CNTNAP2: variants seen among roughly 807,000 people sequenced by gnomAD.
CNTNAP2 encodes the protein contactin-associated protein-like 2.
Under a neutral mutation model 155.2 loss-of-function variants are expected in CNTNAP2, and 98 were observed. The observed-to-expected ratio is 0.63, with a 90% CI of 0.54 to 0.75. The LOEUF (loss-of-function observed/expected upper bound fraction) is 0.75, where lower values mean the gene tolerates loss of function less well. CNTNAP2 is among the 30% of genes least tolerant of loss of function. CNTNAP2 has a pLI of 0.00. For missense variants in CNTNAP2, 1,727 were observed against 1,688.1 expected, an observed-to-expected ratio of 1.02 and a Z score of -0.40; for synonymous variants, 651 against 631.2, an observed-to-expected ratio of 1.03 and a Z score of -0.47.
chr7:147,019,652 G>A (rs1055600504), intron 3 of CNTNAP2, among the ~76,000 whole-genome samples: 2 of 151,952 alleles, frequency 1.3e-5, no homozygotes, highest in African/African-American at 4.8e-5. Flanking sequence ...TGCATGTAAG[G>A]CAGAAATCTA....
chr7:146,902,657 C>T (rs1346208986), intron 3 of CNTNAP2, among the ~76,000 whole-genome samples: 4 of 152,174 alleles, frequency 2.6e-5, no homozygotes, highest in African/African-American at 2.4e-5. Flanking sequence ...CCACTAATGC[C>T]AGAGACAGTT....
chr7:147,741,810 A>T (rs2116487716), intron 13 of CNTNAP2, among the ~76,000 whole-genome samples: 1 of 152,324 alleles, frequency 6.6e-6, no homozygotes, highest in Non-Finnish European at 1.5e-5. Flanking sequence ...TGTTGTTTAA[A>T]TGTCTCTACA....
intron 2 of CNTNAP2, among the ~76,000 whole-genome samples, chr7:146,811,808 A>G (rs984505929): frequency 2.6e-5 from 4 of 152,126 alleles, no homozygotes; most frequent in Non-Finnish European, 5.9e-5. Context: ...TGTTCTCATG[A>G]TAGTGACTGA....
At chr7:146,904,368 C>G (rs945650593) in intron 3 of CNTNAP2, among the ~76,000 whole-genome samples, 1 of 152,136 alleles carries the variant, frequency 6.6e-6, no homozygotes, top group Non-Finnish European at 1.5e-5. Flanking sequence ...AATCTCGCCA[C>G]GAAATGTGGC....
intron 13 of CNTNAP2, among the ~76,000 whole-genome samples, chr7:147,801,958 CA>C (rs1471374332): frequency 5.8e-3 from 789 of 135,524 alleles, no homozygotes; most frequent in South Asian, 0.015. Context: ...GGGGGGCTGA[CA>C]CCCCCACCTC....
intron 9 of CNTNAP2, among the ~76,000 whole-genome samples, chr7:147,392,478 A>C (rs1248500857): frequency 1.3e-5 from 2 of 151,900 alleles, no homozygotes; most frequent in Admixed American, 1.3e-4. Context: ...TATACACTGA[A>C]CCCAATTTGT....
intron 1 of CNTNAP2, among the ~76,000 whole-genome samples, chr7:146,342,120 C>T (rs2129096783): frequency 6.6e-6 from 1 of 152,124 alleles, no homozygotes; most frequent in Non-Finnish European, 1.5e-5. Flanking sequence ...TGCCATTTAC[C>T]TGTGCATGTG....
At chr7:147,432,302 C>T (rs1233727108) in intron 10 of CNTNAP2, among the ~76,000 whole-genome samples, 1 of 152,098 alleles carries the variant, frequency 6.6e-6, no homozygotes, top group Non-Finnish European at 1.5e-5. Flanking sequence ...TGTGTCCAGA[C>T]ATTGCCAAAT....
intron 3 of CNTNAP2, among the ~76,000 whole-genome samples, chr7:146,933,318 A>T (rs1460290690): frequency 6.6e-6 from 1 of 152,074 alleles, no homozygotes; most frequent in African/African-American, 2.4e-5. Flanking sequence ...GACAAACCGG[A>T]GAAAAACAGG....
At chr7:146,823,726 AGTT>A (rs1803343694) in intron 2 of CNTNAP2, among the ~76,000 whole-genome samples, 1 of 151,776 alleles carries the variant, frequency 6.6e-6, no homozygotes, top group Admixed American at 6.6e-5. Flanking sequence ...ATATTTAAAT[AGTT>A]GAGTCAGTAT....
At chr7:147,763,323 T>A (rs1797336069) in intron 13 of CNTNAP2, among the ~76,000 whole-genome samples, 1 of 151,234 alleles carries the variant, frequency 6.6e-6, no homozygotes, top group Admixed American at 6.6e-5. Context: ...GCAGCTGTGA[T>A]TGAATCACTT....
intron 16 of CNTNAP2, among the ~76,000 whole-genome samples, chr7:148,121,657 T>G (rs1046024694): frequency 6.6e-6 from 1 of 152,162 alleles, no homozygotes; most frequent in Non-Finnish European, 1.5e-5. Context: ...GAATGACAGT[T>G]CTGTTAATTA....
chr7:148,178,320 T>C (rs1794981812), intron 18 of CNTNAP2, among the ~76,000 whole-genome samples: 1 of 152,178 alleles, frequency 6.6e-6, no homozygotes, highest in African/African-American at 2.4e-5. Context: ...AGTTAGGGAG[T>C]TCTGTTTTCT....
chr7:146,681,293 A>T (rs1800497113), intron 1 of CNTNAP2, among the ~76,000 whole-genome samples: 1 of 150,272 alleles, frequency 6.7e-6, no homozygotes, highest in African/African-American at 2.5e-5. Context: ...GGGTTGGGAA[A>T]GCTAGGATTA....
chr7:147,116,068 A>G (rs1800982261), intron 5 of CNTNAP2, among the ~76,000 whole-genome samples: 2 of 151,978 alleles, frequency 1.3e-5, no homozygotes, highest in Admixed American at 6.6e-5. Context: ...CCACTCATCC[A>G]TAGGGCTATT....
chr7:147,521,253 C>T (rs1270284253), intron 11 of CNTNAP2, among the ~76,000 whole-genome samples: 2 of 152,180 alleles, frequency 1.3e-5, no homozygotes, highest in South Asian at 2.1e-4. Flanking sequence ...ATGCCATTCT[C>T]CTTCCTCTAT....
intron 17 of CNTNAP2, among the ~76,000 whole-genome samples, chr7:148,155,748 G>C (rs1255674904): frequency 6.6e-6 from 1 of 152,212 alleles, no homozygotes; most frequent in Admixed American, 6.5e-5. Context: ...CTCTTAAAAA[G>C]TGAGGTCAGG....
intron 1 of CNTNAP2, among the ~76,000 whole-genome samples, chr7:146,271,187 C>T (rs200115302): frequency 3.9e-5 from 6 of 151,962 alleles, no homozygotes; most frequent in East Asian, 3.8e-4. Flanking sequence ...TTCTAAAAAT[C>T]GTATTTAGTC....
intron 4 of CNTNAP2, among the ~76,000 whole-genome samples, chr7:147,065,822 A>G (rs913462884): frequency 6.6e-6 from 1 of 152,178 alleles, no homozygotes; most frequent in African/African-American, 2.4e-5. Context: ...AGAAATTATT[A>G]TAAGTAAAAA....
Sources: gnomAD v4.1 joint callset for allele counts (sites outside exome capture counted in the v4.1 genomes callset) on GRCh38, gnomAD v4.1.1 for gene constraint, MANE v1.5 for transcripts, NCBI Gene and HGNC (gene_info 2026-07-23, HGNC 2026-07-21) for gene names.